The following ENTREP2 variants were observed in gnomAD, a reference collection of about 807,000 sequenced individuals.
ENTREP2 encodes the protein endosomal transmembrane epsin interactor 2.
the ENTREP2 span, among the ~76,000 whole-genome samples, chr15:29,209,202 T>A: frequency 0.42 from 64,090 of 151,934 alleles, 13,822 homozygotes; most frequent in East Asian, 0.6. Context: ...GATTAATTTT[T>A]AAAAAATACA....
chr15:29,614,718 C>T, the ENTREP2 span, among the ~76,000 whole-genome samples: 3 of 152,162 alleles, frequency 2.0e-5, no homozygotes, highest in Admixed American at 6.5e-5. Flanking sequence ...CATCCTATGT[C>T]CACGTAGTAG....
chr15:29,509,766 A>C, the ENTREP2 span, among the ~76,000 whole-genome samples: 1 of 152,378 alleles, frequency 6.6e-6, no homozygotes, highest in South Asian at 2.1e-4. Context: ...GACGGATTAA[A>C]GATTTTAACG....
chr15:29,482,085 C>T, the ENTREP2 span, among the ~76,000 whole-genome samples: 4 of 152,012 alleles, frequency 2.6e-5, no homozygotes, highest in African/African-American at 9.6e-5. Flanking sequence ...GCAATCTACA[C>T]ATTCCAGGTT....
chr15:29,643,823 A>G, the ENTREP2 span, among the ~76,000 whole-genome samples: 1 of 151,956 alleles, frequency 6.6e-6, no homozygotes, highest in Admixed American at 6.6e-5. Flanking sequence ...GACTTGAAGG[A>G]ATTGTAACTC....
the ENTREP2 span, chr15:29,570,612 TG>T: frequency 6.9e-7 from 1 of 1,448,818 alleles, no homozygotes; most frequent in African/African-American, 1.5e-5. Context: ...GCCATCTGCG[TG>T]GCCCCGAGCG....
chr15:29,350,992 G>A, the ENTREP2 span, among the ~76,000 whole-genome samples: 4 of 152,190 alleles, frequency 2.6e-5, no homozygotes, highest in South Asian at 8.3e-4. Flanking sequence ...CATTTCATAA[G>A]AGATAAGAGA....
At chr15:29,648,954 C>CAACA in the ENTREP2 span, among the ~76,000 whole-genome samples, 71 of 149,878 alleles carry the variant, frequency 4.7e-4, 1 homozygote, top group African/African-American at 1.2e-3. Context: ...AAAACAACAA[C>CAACA]AAAAAAAACT....
At chr15:29,423,298 A>G in the ENTREP2 span, among the ~76,000 whole-genome samples, 1 of 152,168 alleles carries the variant, frequency 6.6e-6, no homozygotes, top group African/African-American at 2.4e-5. Flanking sequence ...TCAGAGAGAG[A>G]TAAGTTAGGG....
the ENTREP2 span, among the ~76,000 whole-genome samples, chr15:29,246,077 T>C: frequency 1.3e-5 from 2 of 152,224 alleles, no homozygotes; most frequent in Admixed American, 6.5e-5. Context: ...TCAGTATCTG[T>C]TGAGTAATGA....
At chr15:29,339,529 C>G in the ENTREP2 span, among the ~76,000 whole-genome samples, 10 of 152,172 alleles carry the variant, frequency 6.6e-5, no homozygotes, top group Non-Finnish European at 1.5e-4. Flanking sequence ...AGGCTCAGTG[C>G]TCTCTCTACC....
At chr15:29,190,556 T>C in the ENTREP2 span, among the ~76,000 whole-genome samples, 1 of 152,090 alleles carries the variant, frequency 6.6e-6, no homozygotes, top group African/African-American at 2.4e-5. Context: ...TCCCTGAGGA[T>C]GGGCTGTGCC....
chr15:29,354,353 C>T, the ENTREP2 span, among the ~76,000 whole-genome samples: 22 of 152,154 alleles, frequency 1.4e-4, no homozygotes, highest in East Asian at 5.8e-4. Flanking sequence ...GACTTCTTGG[C>T]CTTCACAAGT....
chr15:29,292,391 CT>C, the ENTREP2 span, among the ~76,000 whole-genome samples: 1 of 146,788 alleles, frequency 6.8e-6, no homozygotes, highest in South Asian at 2.2e-4. Flanking sequence ...TTCTTTCTTT[CT>C]TGTTTTTCAT....
the ENTREP2 span, among the ~76,000 whole-genome samples, chr15:29,656,704 T>C: frequency 6.6e-6 from 1 of 152,096 alleles, no homozygotes; most frequent in Admixed American, 6.6e-5. Context: ...CACCAAATGC[T>C]CGCAAGGACG....
the ENTREP2 span, among the ~76,000 whole-genome samples, chr15:29,587,017 G>A: frequency 7.2e-5 from 11 of 152,086 alleles, no homozygotes; most frequent in Non-Finnish European, 1.6e-4. Context: ...CCAAATTCTC[G>A]AGGTAGAGGA....
chr15:29,279,149 C>G, the ENTREP2 span, among the ~76,000 whole-genome samples: 1 of 152,140 alleles, frequency 6.6e-6, no homozygotes, highest in African/African-American at 2.4e-5. Flanking sequence ...GAGGTTGAGT[C>G]TTTTGAATTC....
the ENTREP2 span, among the ~76,000 whole-genome samples, chr15:29,475,058 C>T: frequency 6.6e-6 from 1 of 152,044 alleles, no homozygotes; most frequent in South Asian, 2.1e-4. Flanking sequence ...GATTCTGGCC[C>T]TCCACCATAA....
the ENTREP2 span, among the ~76,000 whole-genome samples, chr15:29,545,686 T>C: frequency 0.43 from 65,269 of 152,024 alleles, 14,697 homozygotes; most frequent in African/African-American, 0.57. Context: ...CAGTGTACAA[T>C]AGCTGCTGAA....
the ENTREP2 span, among the ~76,000 whole-genome samples, chr15:29,283,502 T>C: frequency 6.6e-6 from 1 of 152,064 alleles, no homozygotes; most frequent in African/African-American, 2.4e-5. Flanking sequence ...GCATAAGCCA[T>C]CATGCCTGGC....
Sources: gnomAD v4.1 joint callset for allele counts (sites outside exome capture counted in the v4.1 genomes callset) on GRCh38, gnomAD v4.1.1 for gene constraint, MANE v1.5 for transcripts, NCBI Gene and HGNC (gene_info 2026-07-23, HGNC 2026-07-21) for gene names.